Variants in CTNNA3 observed in about 807,000 individuals in gnomAD.
CTNNA3 encodes catenin alpha 3, also known as catenin alpha-3.
In CTNNA3, 76 loss-of-function variants were observed where a neutral mutation model predicts 95.7. That is an observed-to-expected ratio of 0.79 (90% CI 0.66 to 0.96). CTNNA3 has a LOEUF of 0.96. Among genes scored for constraint, CTNNA3 ranks in the 40% least tolerant of loss-of-function variants. CTNNA3 has a pLI of 0.00. For missense variants in CTNNA3, 1,191 were observed against 1,089.8 expected (o/e 1.09, Z -1.31); for synonymous variants, 431 against 374.4 (o/e 1.15, Z -1.74).
At chr10:66,951,071 T>C (rs566381640) in intron 7 of CTNNA3, among the ~76,000 whole-genome samples, 1 of 149,460 alleles carries the variant, frequency 6.7e-6, no homozygotes, top group Admixed American at 6.7e-5. Context: ...ATTGCCAGCT[T>C]TTTCTTTAAC....
intron 1 of CTNNA3, among the ~76,000 whole-genome samples, chr10:67,755,688 G>C (rs1420499698): frequency 6.6e-6 from 1 of 151,008 alleles, no homozygotes; most frequent in Non-Finnish European, 1.5e-5. Context: ...TGTGATCCCA[G>C]TTATTCATGA....
intron 13 of CTNNA3, among the ~76,000 whole-genome samples, chr10:66,236,925 G>C (rs2132026899): frequency 6.6e-6 from 1 of 151,452 alleles, no homozygotes; most frequent in South Asian, 2.1e-4. Flanking sequence ...GACCAGCCTA[G>C]GCAATGTAGT....
intron 12 of CTNNA3, among the ~76,000 whole-genome samples, chr10:66,325,608 C>T (rs139250104): frequency 3.9e-5 from 6 of 152,138 alleles, no homozygotes; most frequent in African/African-American, 1.4e-4. Context: ...GAGGAAGATG[C>T]TCACCTGTTC....
chr10:67,475,162 A>G (rs114198656), intron 5 of CTNNA3, among the ~76,000 whole-genome samples: 3,871 of 152,332 alleles, frequency 0.025, 73 homozygotes, highest in African/African-American at 0.044. Context: ...GAAAGAAGCC[A>G]CACACAAACA....
intron 7 of CTNNA3, among the ~76,000 whole-genome samples, chr10:67,097,227 CTAATAA>C (rs771143474): frequency 6.6e-6 from 1 of 151,678 alleles, no homozygotes; most frequent in Non-Finnish European, 1.5e-5. Context: ...ATAATTAACA[CTAATAA>C]TAATAATAAT....
chr10:66,583,299 TTTG>T (rs139169263), intron 10 of CTNNA3, among the ~76,000 whole-genome samples: 41,932 of 150,266 alleles, frequency 0.28, 6,587 homozygotes, highest in East Asian at 0.56. Context: ...TGTTTTGGTT[TTTG>T]TTGTTGTTGT....
chr10:66,173,387 TA>T (rs1372935844), intron 13 of CTNNA3, among the ~76,000 whole-genome samples: 7 of 152,164 alleles, frequency 4.6e-5, no homozygotes, highest in African/African-American at 1.7e-4. Flanking sequence ...AACAAGGATT[TA>T]AATGGAAGAT....
intron 13 of CTNNA3, among the ~76,000 whole-genome samples, chr10:66,190,741 G>T (rs886906814): frequency 2.0e-5 from 3 of 151,908 alleles, no homozygotes; most frequent in East Asian, 3.9e-4. Context: ...ATTTGATTCT[G>T]AGCAGGATAA....
chr10:67,703,474 C>A (rs543553942), intron 1 of CTNNA3, among the ~76,000 whole-genome samples: 3 of 152,016 alleles, frequency 2.0e-5, no homozygotes, highest in Non-Finnish European at 4.4e-5. Flanking sequence ...GTTCAATATA[C>A]GCAAATCAAT....
At chr10:66,981,944 G>A (rs895827905) in intron 7 of CTNNA3, among the ~76,000 whole-genome samples, 2 of 152,208 alleles carry the variant, frequency 1.3e-5, no homozygotes, top group African/African-American at 4.8e-5. Flanking sequence ...CCCAAAGGCT[G>A]CCTATTTGGC....
At chr10:67,340,248 A>T (rs1842136973) in intron 5 of CTNNA3, among the ~76,000 whole-genome samples, 1 of 152,248 alleles carries the variant, frequency 6.6e-6, no homozygotes, top group African/African-American at 2.4e-5. Context: ...ATTTAAAATT[A>T]TGTTTAAATA....
chr10:67,535,728 A>G (rs1047184417), intron 4 of CTNNA3, among the ~76,000 whole-genome samples: 6 of 152,184 alleles, frequency 3.9e-5, no homozygotes, highest in African/African-American at 1.4e-4. Context: ...TAGAATGCAT[A>G]GAAAAGGATT....
chr10:66,066,094 C>T (rs999150585), intron 15 of CTNNA3, among the ~76,000 whole-genome samples: 1 of 152,018 alleles, frequency 6.6e-6, no homozygotes, highest in Non-Finnish European at 1.5e-5. Context: ...AACTCCCAAC[C>T]TCTGGTGACC....
chr10:66,187,886 G>C (rs904535918), intron 13 of CTNNA3, among the ~76,000 whole-genome samples: 5 of 151,994 alleles, frequency 3.3e-5, no homozygotes, highest in African/African-American at 1.2e-4. Context: ...GCCATTCACA[G>C]GGAGAAAAAA....
At chr10:67,064,189 C>T (rs1163981996) in intron 7 of CTNNA3, among the ~76,000 whole-genome samples, 2 of 152,076 alleles carry the variant, frequency 1.3e-5, no homozygotes, top group African/African-American at 4.8e-5. Context: ...ATCATTAGAA[C>T]ATTTGAATTG....
chr10:66,729,875 CG>C (rs1487846994), intron 9 of CTNNA3, among the ~76,000 whole-genome samples: 1 of 151,978 alleles, frequency 6.6e-6, no homozygotes, highest in Non-Finnish European at 1.5e-5. Context: ...GAGGCTGAGG[CG>C]GGCGGATCAC....
chr10:66,357,884 GA>G (rs2092623418), intron 12 of CTNNA3, among the ~76,000 whole-genome samples: 1 of 152,076 alleles, frequency 6.6e-6, no homozygotes, highest in African/African-American at 2.4e-5. Context: ...ATTTTCCAGA[GA>G]AGCTGTACTA....
intron 2 of CTNNA3, among the ~76,000 whole-genome samples, chr10:67,641,851 CT>C (rs895240124): frequency 1.3e-5 from 2 of 152,090 alleles, no homozygotes; most frequent in Non-Finnish European, 2.9e-5. Flanking sequence ...ACACCTGGGC[CT>C]GTCGTGGGGT....
At chr10:66,928,905 G>A (rs1051514340) in intron 7 of CTNNA3, among the ~76,000 whole-genome samples, 24 of 152,134 alleles carry the variant, frequency 1.6e-4, no homozygotes, top group Non-Finnish European at 2.8e-4. Context: ...GCTGATTCTT[G>A]GAGATGACTC....
Sources: gnomAD v4.1 joint callset for allele counts (sites outside exome capture counted in the v4.1 genomes callset) on GRCh38, gnomAD v4.1.1 for gene constraint, MANE v1.5 for transcripts, NCBI Gene and HGNC (gene_info 2026-07-23, HGNC 2026-07-21) for gene names.